The following PLEC variants were observed in gnomAD, a reference collection of about 807,000 sequenced individuals.
PLEC encodes the protein plectin.
In PLEC, 216 loss-of-function variants were observed where a neutral mutation model predicts 392.8. The ratio of observed to expected loss-of-function variants is 0.55; its 90% confidence interval spans 0.49 to 0.62. The LOEUF is 0.62. PLEC is among the 20% of genes least tolerant of loss of function. The pLI is 0.00. For missense variants in PLEC, 6,863 were observed against 6,563.4 expected, an observed-to-expected ratio of 1.05 and a Z score of -1.58; for synonymous variants, 3,621 against 2,980.6, an observed-to-expected ratio of 1.21 and a Z score of -7.00.
At chr8:143,940,313 G>A (rs184892378), upstream of PLEC, among the ~76,000 whole-genome samples, 209 of 152,322 alleles carry the variant, frequency 1.4e-3, 2 homozygotes, top group East Asian at 0.018. Context: ...CACGGAGGCC[G>A]GGCCTCATGG....
At position 143,934,400 on chromosome 8, in the gene PLEC, G is replaced by T. The variant is rs781809661; in HGVS notation, c.1087C>A (p.Pro363Thr). 6.2e-7 allele frequency: 1 copy of T among 1,612,354 alleles called. No individual in the cohort carries two copies. The highest frequency in any genetic ancestry group is 8.5e-7 in the Non-Finnish European group (1 of 1,179,904). ...CCCCACTCCTTCTCCACATCCAGCG[G>T]GTGGTAGCCAGGGGGCACCTTGAGC... is the stretch of plus-strand genomic sequence containing the variant. The part of the protein sequence containing the change: ...GQLKVPPGYH[P>T]LDVEKEWGKL... The change falls in exon 11 of 32, where the codon CCG (proline) becomes ACG (threonine). Residue 363 changes from proline (P) to threonine (T), a missense_variant. Physicochemically the swap from Pro to Thr is conservative, Grantham distance 38. Coordinates refer to ENST00000345136, the MANE Select transcript of PLEC (RefSeq NM_201384.3).
At chr8:143,947,421 C>T (rs1423093522) in intron 1 of PLEC, among the ~76,000 whole-genome samples, 1 of 152,188 alleles carries the variant, frequency 6.6e-6, no homozygotes, top group Non-Finnish European at 1.5e-5. Flanking sequence ...ATCCTCGGTT[C>T]CTTCAGAATT....
intron 1 of PLEC, among the ~76,000 whole-genome samples, chr8:143,966,604 C>T (rs551950427): frequency 1.4e-4 from 22 of 152,330 alleles, no homozygotes; most frequent in East Asian, 1.2e-3. Context: ...TCCCACCCAA[C>T]GCTTGTTTCA....
intron 12 of PLEC, 70 bp downstream of exon 12, chr8:143,933,928 T>A: frequency 7.3e-7 from 1 of 1,377,366 alleles, no homozygotes; most frequent in South Asian, 1.2e-5. Context: ...CCTCCTGGCT[T>A]TAGGGCTGCA....
chr8:143,918,398 C>T lies in PLEC; in HGVS notation c.11423G>A (p.Gly3808Asp). The T allele has an allele frequency of 6.4e-7, 1 of 1,566,080 alleles. No individual in the cohort carries two copies. The highest frequency in any genetic ancestry group is 8.6e-7 in the Non-Finnish European group (1 of 1,160,852). ...GAAGCCCAGGCGGGGGTCCACGATG[C>T]CGCCGGTGGCCAGCTGGGCATCCAG... ...RLLDAQLATG[G>D]IVDPRLGFHL... Residue 3808 changes from glycine to aspartate, a missense_variant, in exon 32 of 32, where the codon GGC becomes GAC. Coordinates refer to ENST00000345136, the MANE Select transcript of PLEC (RefSeq NM_201384.3).
Position 143,938,370 on chromosome 8 carries a change from G to A in PLEC, c.175-130C>T, listed in dbSNP as rs781794266. ...GGGGCTGAGTCTCCCGGGAGCCCAC[G>A]GAACACACCCTGCCCCACGGAGGCA... On this transcript the variant is annotated intron_variant, in intron 2 of 31. Transcript: ENST00000345136. The A allele has an allele frequency of 1.3e-4, 197 of 1,535,614 alleles. No individual in the cohort carries two copies. The African/African-American group carries it at 1.8e-3, about 14-fold the overall frequency.
Position 143,916,031 on chromosome 8 carries a change from T to TATATA in PLEC, c.*141_*145dup, listed in dbSNP as rs1820396922. Reference sequence around the variant, plus strand: ...AGATACAGGCTGTCTGGACAGCAGATATATATTAATATATTAGTCTGGTCT... The same window carrying TATATA: ...AGATACAGGCTGTCTGGACAGCAGATATATAATATATTAATATATTAGTCTGGTCT... On this transcript the variant is annotated 3_prime_UTR_variant, in exon 32 of 32. Transcript: ENST00000345136. 1 of 579,156 alleles carries TATATA rather than the reference T, an allele frequency of 1.7e-6. No individual in the cohort carries two copies. The highest frequency in any genetic ancestry group is 3.0e-6 in the Non-Finnish European group (1 of 338,318). The allele number at this position is 579,156 out of a possible 1,614,324, so 35.9% of individuals were successfully genotyped here.
chr8:143,937,056 T>C lies in PLEC; in HGVS notation c.358A>G (p.Ile120Val). Residue 120 changes from isoleucine to valine, a missense_variant, in exon 5 of 32, where the codon ATC becomes GTC. Physicochemically the swap from Ile to Val is conservative, Grantham distance 29 (BLOSUM62 3). Transcript: ENST00000345136. ...CCGTCAGCGATGTCATCATTCCTGA[T>C]GTTCACCAGCTTCACCTGTGAGCGA... Reference protein sequence around the residue: ...LRHRQVKLVNIRNDDIADGNP... With the variant: ...LRHRQVKLVNVRNDDIADGNP... 1 of 1,612,950 alleles carries C rather than the reference T, an allele frequency of 6.2e-7. No homozygotes were observed. The highest frequency in any genetic ancestry group is 8.5e-7 in the Non-Finnish European group (1 of 1,179,712).
chr8:143,939,644 G>A (rs1368122750), upstream of PLEC: 8 of 1,420,058 alleles, frequency 5.6e-6, no homozygotes, highest in African/African-American at 8.8e-5. Context: ...GGCGAGGCCG[G>A]CCCGCCCCCG....
rs782546279 is a variant in PLEC, at chr8:143,921,810, G to A, written c.8011C>T (p.Arg2671Trp). The A allele has an allele frequency of 3.4e-5, 55 of 1,608,804 alleles. No individual in the cohort carries two copies. Among genetic ancestry groups the A allele is most frequent in the East Asian group, 1.6e-4 (7 of 44,876 alleles). The change falls in exon 32 of 32, where the codon CGG (arginine) becomes TGG (tryptophan). Residue 2671 changes from arginine (R) to tryptophan (W), a missense_variant. By Grantham distance (101) the Arg-to-Trp change is moderately radical (BLOSUM62 -3). Transcript: ENST00000345136. ...AGILSAEELQRLAQGHTTVDE... is the reference protein window; with the variant it reads ...AGILSAEELQWLAQGHTTVDE... ...ACCGTGGTGTGGCCCTGCGCCAACC[G>A]CTGCAGCTCCTCCGCACTCAGGATG...
upstream of PLEC, chr8:143,953,686 G>A (rs782163864): frequency 6.3e-7 from 1 of 1,594,958 alleles, no homozygotes. Context: ...TCACTGTGTG[G>A]TCCGCGCCCC....
chr8:143,924,681 G>A lies in PLEC; in HGVS notation c.5248C>T (p.Arg1750Trp), dbSNP rs782410213. ...QREAAAATQK[R>W]QELEAELAKV... ...GCCAGCTCGGCTTCCAGCTCCTGCC[G>A]TTTCTGCGTGGCTGCAGCCGCCTCA... The change falls in exon 31 of 32, where the codon CGG becomes TGG. Residue 1750 changes from arginine to tryptophan, a missense_variant. Physicochemically the swap from Arg to Trp is moderately radical, Grantham distance 101. Transcript: ENST00000345136. 120 of 1,534,672 alleles carry A rather than the reference G, an allele frequency of 7.8e-5. No homozygotes were observed. Among genetic ancestry groups the A allele is most frequent in the African/African-American group, 1.1e-4 (8 of 72,878 alleles).
At chr8:143,966,705 T>A (rs1246500854) in intron 1 of PLEC, among the ~76,000 whole-genome samples, 2 of 152,086 alleles carry the variant, frequency 1.3e-5, no homozygotes, top group Non-Finnish European at 2.9e-5. Flanking sequence ...AGCTGGATTC[T>A]GCCACAGGAC....
rs1554697516 is a variant in PLEC at position 143,924,465 on chromosome 8, C to T, written c.5464G>A (p.Glu1822Lys). 2.6e-6 allele frequency: 4 copies of T among 1,547,244 alleles called. No individual in the cohort carries two copies. Among genetic ancestry groups the T allele is most frequent in the Non-Finnish European group, 3.5e-6 (4 of 1,156,088 alleles). ...EAKRQRQLAE[E>K]DAARQRAEAE... ...TCGGCCCGCTGCCGCGCCGCGTCTT[C>T]CTCGGCCAGCTGCCGCTGCCGCTTG... The change falls in exon 31 of 32, where the codon GAA (glutamate) becomes AAA (lysine). Residue 1822 changes from glutamate (E) to lysine (K), a missense_variant. Physicochemically the swap from Glu to Lys is moderately conservative, Grantham distance 56. Coordinates refer to ENST00000345136, the MANE Select transcript of PLEC (RefSeq NM_201384.3).
rs1738655882 is a variant in PLEC, at chr8:143,969,770, G to A, written c.70+3633C>T. ...GGGCAGCTGGGGATAGAGACTTTAG[G>A]TTGTCATGTTAGGGATGGGAGTGGG... is the stretch of plus-strand genomic sequence containing the variant. On this transcript the variant is annotated intron_variant, in intron 1 of 31. Transcript: ENST00000356346. The surrounding 1 kb of genome is among the most constrained non-coding windows in gnomAD (Gnocchi z 5.1). Among the ~76,000 whole-genome samples the A allele has an allele frequency of 1.3e-5, 2 of 152,042 alleles. No homozygotes were observed. Among genetic ancestry groups the A allele is most frequent in the African/African-American group, 4.8e-5 (2 of 41,384 alleles).
upstream of PLEC, among the ~76,000 whole-genome samples, chr8:143,973,856 C>G (rs528222010): frequency 6.6e-6 from 1 of 152,200 alleles, no homozygotes; most frequent in South Asian, 2.1e-4. The surrounding 1 kb of genome is among the most constrained non-coding windows in gnomAD (Gnocchi z 5.6). Flanking sequence ...TGCCCGCCCC[C>G]CACCTTGCTT....
At chr8:143,943,918 C>G (rs782052126), upstream of PLEC, 3 of 1,606,336 alleles carry the variant, frequency 1.9e-6, no homozygotes, top group Admixed American at 5.0e-5. Flanking sequence ...GCCAGGGCTG[C>G]CCTTCCTGCG....
At chr8:143,948,726 C>T (rs886543433) in intron 1 of PLEC, among the ~76,000 whole-genome samples, 4 of 152,258 alleles carry the variant, frequency 2.6e-5, no homozygotes, top group Admixed American at 6.5e-5. Context: ...GCCCTGCCGC[C>T]AGCTGCCCGC....
At chr8:143,975,206 G>T (rs797044672), upstream of PLEC, 2 of 1,602,768 alleles carry the variant, frequency 1.2e-6, no homozygotes, top group Non-Finnish European at 1.7e-6. The surrounding 1 kb of genome is among the most constrained non-coding windows in gnomAD (Gnocchi z 9.9). Context: ...CCGCTCAGCT[G>T]GGTCCAGGAC....
Sources: gnomAD v4.1 joint callset for allele counts (sites outside exome capture counted in the v4.1 genomes callset) on GRCh38, gnomAD v4.1.1 for gene constraint, Gnocchi (gnomAD v3.1) non-coding constraint, MANE v1.5 for transcripts, NCBI Gene and HGNC (gene_info 2026-07-23, HGNC 2026-07-21) for gene names.